Variants in CALCRL observed in about 807,000 individuals in gnomAD.
CALCRL encodes calcitonin gene-related peptide type 1 receptor.
In CALCRL, 27 loss-of-function variants were observed where a neutral mutation model predicts 60.4. That is an observed-to-expected ratio of 0.45 (90% confidence interval 0.33 to 0.62). The LOEUF (loss-of-function observed/expected upper bound fraction) is 0.62, where lower values mean the gene tolerates loss of function less well. Ranked by LOEUF, CALCRL falls within the 20% of genes least tolerant of loss-of-function variation. The probability of loss-of-function intolerance (pLI) is 0.03; values close to 1 mark genes in which losing one functional copy is unlikely to be tolerated. For synonymous variants in CALCRL, 190 were observed against 182.6 expected, an observed-to-expected ratio of 1.04 and a Z score of -0.33; for missense variants, 424 against 540.7, an observed-to-expected ratio of 0.78 and a Z score of 2.14.
intron 8 of CALCRL, among the ~76,000 whole-genome samples, chr2:187,374,846 C>T (rs1213301490): frequency 6.6e-6 from 1 of 151,988 alleles, no homozygotes; most frequent in Non-Finnish European, 1.5e-5. Context: ...CATCATGACC[C>T]ACTGTAAACA....
chr2:187,423,439 T>A (rs1689979213), intron 1 of CALCRL, among the ~76,000 whole-genome samples: 1 of 151,796 alleles, frequency 6.6e-6, no homozygotes. Context: ...GAATCTGAGA[T>A]GTTATAAAAG....
At chr2:187,419,023 A>ATT (rs33929530) in intron 1 of CALCRL, among the ~76,000 whole-genome samples, 73 of 85,994 alleles carry the variant, frequency 8.5e-4, no homozygotes, top group African/African-American at 3.3e-3. Context: ...CGTCTGGCTA[A>ATT]TTTTTTTTTT....
chr2:187,378,672 G>GT (rs560417740), intron 8 of CALCRL, among the ~76,000 whole-genome samples: 39 of 152,188 alleles, frequency 2.6e-4, no homozygotes, highest in Admixed American at 2.4e-3. Context: ...AGCAAATACA[G>GT]TTAGGTTTAT....
chr2:187,395,841 T>G (rs1189145365), intron 1 of CALCRL, among the ~76,000 whole-genome samples: 2 of 151,902 alleles, frequency 1.3e-5, no homozygotes, highest in African/African-American at 4.8e-5. Flanking sequence ...CTGGGCAAAT[T>G]CCATGCCTTC....
rs761602788 is a variant in CALCRL at position 187,398,791 on chromosome 2, G to A, written c.-292-11035C>T. On this transcript the variant is annotated intron_variant, in intron 1 of 14. Coordinates refer to ENST00000392370, the MANE Select transcript of CALCRL (RefSeq NM_005795.6). ...AGCAAGTAGGGCATGAATATCAGAC[G>A]ATTCTCATGCATCCTTCCTATCATA... Among the ~76,000 whole-genome samples, 250 of 151,648 alleles carry A rather than the reference G, an allele frequency of 1.6e-3. 5 individuals carry two copies. The highest frequency in any genetic ancestry group is 9.9e-4 in the Non-Finnish European group (67 of 67,654).
At chr2:187,442,461 A>C (rs1423176559) in intron 1 of CALCRL, among the ~76,000 whole-genome samples, 1 of 151,804 alleles carries the variant, frequency 6.6e-6, no homozygotes, top group Non-Finnish European at 1.5e-5. Flanking sequence ...AATTCTTAAA[A>C]TGAATTATGT....
At chr2:187,442,629 T>C (rs1387723572) in intron 1 of CALCRL, among the ~76,000 whole-genome samples, 1 of 151,868 alleles carries the variant, frequency 6.6e-6, no homozygotes, top group East Asian at 1.9e-4. Context: ...CAAAAACAAC[T>C]TGGAATCCTA....
chr2:187,376,518 ATACTC>A (rs1192818082), intron 8 of CALCRL, among the ~76,000 whole-genome samples: 3 of 152,258 alleles, frequency 2.0e-5, no homozygotes, highest in Admixed American at 6.5e-5. Flanking sequence ...TTAAAATTGA[ATACTC>A]TACATTTGTT....
At chr2:187,427,389 G>A (rs909003270) in intron 1 of CALCRL, among the ~76,000 whole-genome samples, 3 of 152,096 alleles carry the variant, frequency 2.0e-5, no homozygotes, top group East Asian at 1.9e-4. Flanking sequence ...AAATGAAAAT[G>A]TTGTTGCATT....
intron 1 of CALCRL, among the ~76,000 whole-genome samples, chr2:187,423,276 C>A (rs902778448): frequency 6.6e-6 from 1 of 151,604 alleles, no homozygotes; most frequent in Non-Finnish European, 1.5e-5. Flanking sequence ...AACAAGCATA[C>A]TTCTTCCTCA....
At chr2:187,446,134 C>T (rs1174859272) in intron 1 of CALCRL, among the ~76,000 whole-genome samples, 2 of 151,560 alleles carry the variant, frequency 1.3e-5, no homozygotes, top group African/African-American at 4.8e-5. Flanking sequence ...TTCTATGTTT[C>T]ATTTTACATA....
chr2:187,363,222 T>C (rs1293828350), intron 9 of CALCRL, among the ~76,000 whole-genome samples, 154 bp downstream of exon 9: 1 of 152,060 alleles, frequency 6.6e-6, no homozygotes, highest in African/African-American at 2.4e-5. Context: ...TTCTCAATAT[T>C]CCCCAAGATA....
At chr2:187,363,323 T>C (rs1687139843) in intron 9 of CALCRL, 53 bp downstream of exon 9, 3 of 1,555,164 alleles carry the variant, frequency 1.9e-6, no homozygotes, top group Non-Finnish European at 2.6e-6. Context: ...TCAGCCATGT[T>C]CCCCCTTTCC....
chr2:187,419,599 T>A (rs1689778511), intron 1 of CALCRL, among the ~76,000 whole-genome samples: 1 of 152,164 alleles, frequency 6.6e-6, no homozygotes, highest in Non-Finnish European at 1.5e-5. Context: ...CTGGCAAAAA[T>A]TTCGAAAATT....
chr2:187,346,459 C>T, intron 14 of CALCRL, 60 bp from the exon 15 acceptor site: 1 of 1,241,210 alleles, frequency 8.1e-7, no homozygotes, highest in Non-Finnish European at 1.1e-6. Flanking sequence ...AATGAAGACA[C>T]TGTTTTTGAA....
At chr2:187,373,146 G>A (rs923207196) in intron 8 of CALCRL, among the ~76,000 whole-genome samples, 8 of 152,046 alleles carry the variant, frequency 5.3e-5, no homozygotes, top group African/African-American at 1.7e-4. Flanking sequence ...AAAATTTATT[G>A]AGTGCCTACT....
Position 187,363,397 on chromosome 2 carries a change from C to T in CALCRL, c.606G>A (p.Gln202=). The change falls in exon 9 of 15, where the codon CAG becomes CAA. Residue 202 remains glutamine, a synonymous_variant. Coordinates refer to ENST00000392370, the MANE Select transcript of CALCRL (RefSeq NM_005795.6). ...TTACAGGATTTGTGGCTACTAAGGC[C>T]TGGTTGTTGGCCACTGCAGTGAGGT... ...IIHLTAVANN[Q]ALVATNPVSC... 6.2e-7 allele frequency: 1 copy of T among 1,611,236 alleles called. No individual in the cohort carries two copies. The highest frequency in any genetic ancestry group is 8.5e-7 in the Non-Finnish European group (1 of 1,178,708).
intron 1 of CALCRL, chr2:187,428,342 T>C (rs1158901175): frequency 6.6e-6 from 1 of 152,142 alleles, no homozygotes; most frequent in Non-Finnish European, 1.5e-5. Flanking sequence ...CTGACCTCAT[T>C]TGGTTGAATT....
chr2:187,360,592 A>G lies in CALCRL; in HGVS notation c.781+6T>C. On this transcript the variant is annotated splice_donor_region_variant and intron_variant, in intron 10 of 14. Coordinates refer to ENST00000392370, the MANE Select transcript of CALCRL (RefSeq NM_005795.6). ...TGAATCAACAAGTATGTATAATAAC[A>G]CTTACCCCAGCCAAGAAAATAATAC... 6.2e-7 allele frequency: 1 copy of G among 1,607,560 alleles called. No individual in the cohort carries two copies. Among genetic ancestry groups the G allele is most frequent in the Non-Finnish European group, 8.5e-7 (1 of 1,177,126 alleles).
Sources: gnomAD v4.1 joint callset for allele counts (sites outside exome capture counted in the v4.1 genomes callset) on GRCh38, gnomAD v4.1.1 for gene constraint, MANE v1.5 for transcripts, NCBI Gene and HGNC (gene_info 2026-07-23, HGNC 2026-07-21) for gene names.